LSAMP: variants seen among roughly 807,000 people sequenced by gnomAD.
LSAMP encodes limbic system-associated membrane protein.
LSAMP carries 7 observed loss-of-function variants against 38.6 expected under a neutral mutation model. That is an observed-to-expected ratio of 0.18 (90% CI 0.10 to 0.34). The LOEUF (loss-of-function observed/expected upper bound fraction) is 0.34. LSAMP is among the 10% of genes least tolerant of loss of function. The pLI is 1.00. For missense variants in LSAMP, 313 were observed against 420.0 expected, an observed-to-expected ratio of 0.75 and a Z score of 2.23; for synonymous variants, 154 against 166.8, an observed-to-expected ratio of 0.92 and a Z score of 0.59.
intron 1 of LSAMP, among the ~76,000 whole-genome samples, chr3:116,156,762 A>C (rs1346615334): frequency 1.3e-5 from 2 of 152,172 alleles, no homozygotes; most frequent in Non-Finnish European, 2.9e-5. Context: ...GAAATGGTTT[A>C]CAAAAAAGCA....
intron 4 of LSAMP, among the ~76,000 whole-genome samples, chr3:115,842,998 A>G (rs938035792): frequency 4.6e-5 from 7 of 152,198 alleles, no homozygotes; most frequent in Non-Finnish European, 8.8e-5. Context: ...TTGTCATTAT[A>G]GTTTGAGATG....
rs1185838373 is a variant in LSAMP, at chr3:115,808,147, TCCC to T, written c.*2167_*2169del. Reference sequence around the variant, plus strand: ...CTCCCTCCCTCCCTCCCTCCCTCCCTCCCCCCCTTCCCCGTCCCCCCCTCCCTG... The same window carrying T: ...CTCCCTCCCTCCCTCCCTCCCTCCCTCCCCTTCCCCGTCCCCCCCTCCCTG... On this transcript the variant is annotated 3_prime_UTR_variant, in exon 7 of 7. Coordinates refer to ENST00000490035, the MANE Select transcript of LSAMP (RefSeq NM_002338.5). 3 of 52,896 alleles carry T rather than the reference TCCC, an allele frequency of 5.7e-5. No homozygotes were observed. The highest frequency in any genetic ancestry group is 8.3e-5 in the African/African-American group (1 of 12,008). The allele number at this position is 52,896 out of a possible 1,614,324, so 3.3% of individuals were successfully genotyped here. A position where few individuals can be genotyped will look rare whatever the true frequency, so the allele number is the denominator to read the frequency against.
chr3:115,896,828 C>A (rs1383377771), intron 3 of LSAMP, among the ~76,000 whole-genome samples: 1 of 152,032 alleles, frequency 6.6e-6, no homozygotes. Context: ...GGGAAGAGGG[C>A]TTCTTTTTTT....
rs1033583100 is a variant in LSAMP at position 115,880,904 on chromosome 3, A to T, written c.515-28287T>A. On this transcript the variant is annotated intron_variant, in intron 3 of 6. Coordinates refer to ENST00000490035, the MANE Select transcript of LSAMP (RefSeq NM_002338.5). Reference sequence around the variant, plus strand: ...TACAAAAAAATGAGCCAGGTGTGGTAGCGGGCACCTGTAATCCCAGCTACT... The same window carrying T: ...TACAAAAAAATGAGCCAGGTGTGGTTGCGGGCACCTGTAATCCCAGCTACT... Among the ~76,000 whole-genome samples the T allele has an allele frequency of 7.2e-5, 11 of 151,794 alleles. No individual in the cohort carries two copies. The East Asian group carries it at 2.1e-3, about 30-fold the overall frequency.
chr3:116,054,056 A>T (rs1020005102), intron 2 of LSAMP, among the ~76,000 whole-genome samples: 1 of 152,186 alleles, frequency 6.6e-6, no homozygotes, highest in Non-Finnish European at 1.5e-5. Flanking sequence ...GGCTAAAAGC[A>T]AAGTCGTGGC....
chr3:116,264,392 A>G (rs567694059), intron 1 of LSAMP, among the ~76,000 whole-genome samples: 1 of 152,184 alleles, frequency 6.6e-6, no homozygotes, highest in Non-Finnish European at 1.5e-5. Context: ...CCCATATGCT[A>G]GTAAGAGGCG....
chr3:116,036,532 G>A (rs1054075148), intron 2 of LSAMP, among the ~76,000 whole-genome samples: 5 of 152,096 alleles, frequency 3.3e-5, no homozygotes, highest in South Asian at 2.1e-4. Flanking sequence ...TCAGGCATTC[G>A]TTATCTGTGA....
intron 2 of LSAMP, among the ~76,000 whole-genome samples, chr3:116,036,840 C>A (rs1432725915): frequency 6.6e-6 from 1 of 152,128 alleles, no homozygotes; most frequent in Admixed American, 6.6e-5. Context: ...ACTAAAAATT[C>A]TTACTTTGCA....
chr3:116,073,416 T>C (rs749136452), intron 2 of LSAMP, among the ~76,000 whole-genome samples: 2 of 152,236 alleles, frequency 1.3e-5, no homozygotes, highest in Non-Finnish European at 2.9e-5. Flanking sequence ...TTTGGTTCCA[T>C]ATGAATTTTA....
chr3:115,839,262 TTTCC>T (rs1192339424), intron 6 of LSAMP, among the ~76,000 whole-genome samples: 7,247 of 78,304 alleles, frequency 0.093, 279 homozygotes, highest in East Asian at 0.14. Context: ...TCCTTCTTTC[TTTCC>T]TTCCTTCCTT....
At chr3:116,187,504 T>A (rs1710648647) in intron 1 of LSAMP, among the ~76,000 whole-genome samples, 1 of 152,190 alleles carries the variant, frequency 6.6e-6, no homozygotes, top group South Asian at 2.1e-4. Context: ...TCAATTACAG[T>A]GATCTTTCTA....
chr3:116,170,003 A>G (rs1414696467), intron 1 of LSAMP, among the ~76,000 whole-genome samples: 1 of 152,176 alleles, frequency 6.6e-6, no homozygotes, highest in Non-Finnish European at 1.5e-5. Context: ...CACCTATGAT[A>G]AATCATAATC....
intron 6 of LSAMP, among the ~76,000 whole-genome samples, chr3:115,833,270 G>A (rs1001135023): frequency 4.0e-5 from 6 of 151,572 alleles, no homozygotes; most frequent in Middle Eastern, 3.4e-3. Context: ...TGAACAGTAA[G>A]TATCATGTCA....
At chr3:116,045,749 C>CA (rs1022716634) in intron 2 of LSAMP, among the ~76,000 whole-genome samples, 1 of 152,126 alleles carries the variant, frequency 6.6e-6, no homozygotes, top group African/African-American at 2.4e-5. Context: ...TACTATATAA[C>CA]AGGCCTTGTT....
At chr3:116,297,270 A>G (rs768515621) in intron 1 of LSAMP, among the ~76,000 whole-genome samples, 1 of 152,148 alleles carries the variant, frequency 6.6e-6, no homozygotes, top group Non-Finnish European at 1.5e-5. Flanking sequence ...TAATCTTCAA[A>G]AGGGGTCACT....
In LSAMP at chr3:115,937,582, A is replaced by G. The variant is rs1937746803; in HGVS notation, c.514+81933T>C. Reference sequence around the variant, plus strand: ...CTTGAGCCCAGGAGTTGGAGGCTACAGTGAGCCATGATTGCACCACTGTAC... The same window carrying G: ...CTTGAGCCCAGGAGTTGGAGGCTACGGTGAGCCATGATTGCACCACTGTAC... On this transcript the variant is annotated intron_variant, in intron 3 of 6. Coordinates refer to ENST00000490035, the MANE Select transcript of LSAMP (RefSeq NM_002338.5). 3.9e-5 allele frequency among the ~76,000 whole-genome samples: 6 copies of G among 151,938 alleles called. No homozygotes were observed. The South Asian group carries it at 1.2e-3, about 32-fold the overall frequency.
chr3:115,972,407 GAA>G (rs1177103249), intron 3 of LSAMP, among the ~76,000 whole-genome samples: 2 of 151,756 alleles, frequency 1.3e-5, no homozygotes, highest in Non-Finnish European at 2.9e-5. Flanking sequence ...CTACGACTAA[GAA>G]AAAAGACATT....
At chr3:116,400,534 A>C (rs1361543665) in intron 1 of LSAMP, among the ~76,000 whole-genome samples, 1 of 150,954 alleles carries the variant, frequency 6.6e-6, no homozygotes, top group Non-Finnish European at 1.5e-5. Context: ...GCTGGAGTAC[A>C]ATGGCACAAT....
chr3:115,881,832 T>C (rs561679746), intron 3 of LSAMP, among the ~76,000 whole-genome samples: 1 of 152,270 alleles, frequency 6.6e-6, no homozygotes, highest in South Asian at 2.1e-4. Context: ...AGTAGATGCC[T>C]TAAATACCCA....
Sources: allele counts gnomAD v4.1 joint callset (sites outside exome capture counted in the v4.1 genomes callset), GRCh38; gene constraint gnomAD v4.1.1; transcripts MANE v1.5; gene names NCBI Gene and HGNC (gene_info 2026-07-23, HGNC 2026-07-21).